RNF19A: variants seen among roughly 807,000 people sequenced by gnomAD.
RNF19A encodes the protein E3 ubiquitin-protein ligase RNF19A.
Under a neutral mutation model 75.7 loss-of-function variants are expected in RNF19A, and 32 were observed. The observed-to-expected ratio is 0.42, with a 90% CI of 0.32 to 0.57. The LOEUF (loss-of-function observed/expected upper bound fraction) is 0.57. Among genes scored for constraint, RNF19A ranks in the 20% least tolerant of loss-of-function variants. RNF19A has a pLI of 0.10. For synonymous variants in RNF19A, 335 were observed against 345.2 expected (o/e 0.97, Z 0.33); for missense variants, 782 against 1,036.3 (o/e 0.75, Z 3.37).
At chr8:100,292,436 GT>G (rs1215600790) in intron 1 of RNF19A, among the ~76,000 whole-genome samples, 244 of 34,036 alleles carry the variant, frequency 7.2e-3, no homozygotes, top group African/African-American at 0.045. Context: ...TATCATATGG[GT>G]GTGTGTGTGT....
rs188768755 is a variant in RNF19A, at chr8:100,323,249, A to C, written c.-242-9877T>G. On this transcript the variant is annotated intron_variant, in intron 1 of 3. Transcript: ENST00000519527. The surrounding 1 kb of genome is among the most constrained non-coding windows in gnomAD (Gnocchi z 4.6). ...GGTTTTTATTTGAAGGTAGTATTTCATAGAAAGTTTTTAAGGAAGAAAGAA... is the reference window on the plus strand; with the variant it reads ...GGTTTTTATTTGAAGGTAGTATTTCCTAGAAAGTTTTTAAGGAAGAAAGAA... Among the ~76,000 whole-genome samples the C allele has an allele frequency of 2.2e-4, 33 of 152,354 alleles. No individual in the cohort carries two copies. In the East Asian group the frequency reaches 5.0e-3, roughly 23 times the overall value.
chr8:100,307,226 C>T (rs1822098685), intron 1 of RNF19A, among the ~76,000 whole-genome samples: 1 of 152,230 alleles, frequency 6.6e-6, no homozygotes, highest in South Asian at 2.1e-4. Flanking sequence ...AATAACAATT[C>T]CCTAAGATTT....
Position 100,264,031 on chromosome 8 carries a change from T to C in RNF19A, c.1468+3A>G. On this transcript the variant is annotated splice_donor_region_variant and intron_variant, in intron 7 of 9. Transcript: ENST00000341084. This position sits in a 1 kb window ranked among gnomAD's most constrained non-coding sequence, Gnocchi z 4.7. ...ATTTTCTTCCTTTGCTTAAAGGACT[T>C]ACCTACAGCTGTGTTAGTTCCACCA... The C allele has an allele frequency of 6.2e-7, 1 of 1,611,726 alleles. No homozygotes were observed. Among genetic ancestry groups the C allele is most frequent in the Non-Finnish European group, 8.5e-7 (1 of 1,178,630 alleles).
At chr8:100,300,200 A>G (rs1821760583) in intron 1 of RNF19A, among the ~76,000 whole-genome samples, 1 of 152,246 alleles carries the variant, frequency 6.6e-6, no homozygotes, top group Non-Finnish European at 1.5e-5. Flanking sequence ...CGAAAATGAG[A>G]TTAAAAACTC....
At chr8:100,274,626 C>T (rs540891914) in intron 3 of RNF19A, among the ~76,000 whole-genome samples, 25 of 152,046 alleles carry the variant, frequency 1.6e-4, no homozygotes, top group African/African-American at 6.0e-4. Flanking sequence ...CTTAAGTGGT[C>T]GGCCCGCCTC....
At chr8:100,316,895 G>C (rs1210459762) in intron 1 of RNF19A, among the ~76,000 whole-genome samples, 3 of 152,238 alleles carry the variant, frequency 2.0e-5, no homozygotes, top group Non-Finnish European at 4.4e-5. Flanking sequence ...GGCATGGCGG[G>C]CTGCAGGTCC....
intron 1 of RNF19A, among the ~76,000 whole-genome samples, chr8:100,301,229 C>T (rs1402175571): frequency 6.6e-6 from 1 of 152,214 alleles, no homozygotes; most frequent in Non-Finnish European, 1.5e-5. Context: ...ACAGAAAGTT[C>T]TATTGCACAG....
upstream of RNF19A, chr8:100,313,298 A>G: frequency 1.0e-6 from 1 of 982,656 alleles, no homozygotes; most frequent in Non-Finnish European, 1.2e-6. Flanking sequence ...TACCAGAGTA[A>G]CAGAAACCAA....
chr8:100,295,479 G>A (rs957016463), intron 1 of RNF19A, among the ~76,000 whole-genome samples: 1 of 152,122 alleles, frequency 6.6e-6, no homozygotes, highest in Admixed American at 6.5e-5. Flanking sequence ...AATATTAGCA[G>A]ATAAAAGGTG....
intron 1 of RNF19A, among the ~76,000 whole-genome samples, chr8:100,301,631 T>C (rs1821833839): frequency 6.6e-6 from 1 of 152,254 alleles, no homozygotes; most frequent in African/African-American, 2.4e-5. Context: ...GTCCTACTCC[T>C]CTTTCAAGGC....
At chr8:100,312,160 C>G (rs1296572889), upstream of RNF19A, among the ~76,000 whole-genome samples, 1 of 152,176 alleles carries the variant, frequency 6.6e-6, no homozygotes, top group Non-Finnish European at 1.5e-5. Context: ...TATTATACCC[C>G]GGAAATATCC....
intron 2 of RNF19A, among the ~76,000 whole-genome samples, chr8:100,279,747 G>A (rs918039439): frequency 6.6e-6 from 1 of 151,830 alleles, no homozygotes; most frequent in South Asian, 2.1e-4. Context: ...GGCTTGTCTC[G>A]AACTCCAGAC....
chr8:100,309,863 G>C lies in RNF19A; in HGVS notation c.-94+4C>G. 1.0e-6 allele frequency: 1 copy of C among 985,620 alleles called. No individual in the cohort carries two copies. Among genetic ancestry groups the C allele is most frequent in the Non-Finnish European group, 1.2e-6 (1 of 830,072 alleles). The allele number at this position is 985,620 out of a possible 1,614,324, so 61.1% of individuals were successfully genotyped here. ...CGCAAGCTCCTCCGGGTGCCCGCCC[G>C]TACCTTTAACTCCTCAGAGCGGCGG... On this transcript the variant is annotated splice_donor_region_variant and intron_variant, in intron 1 of 9. Transcript: ENST00000341084.
Position 100,259,810 on chromosome 8 carries a change from T to G in RNF19A, c.1826+44A>C, listed in dbSNP as rs781513383. ...TGTCTAATGATAGGAATTATTCCTT[T>G]AATTTAAAAAATACTTTCAATTTTT... is the stretch of plus-strand genomic sequence containing the variant. On this transcript the variant is annotated intron_variant, in intron 9 of 9. Coordinates refer to ENST00000341084, the MANE Select transcript of RNF19A (RefSeq NM_183419.4). The surrounding 1 kb of genome is among the most constrained non-coding windows in gnomAD (Gnocchi z 4.5). The G allele has an allele frequency of 1.6e-5, 25 of 1,537,532 alleles. No individual in the cohort carries two copies. The highest frequency in any genetic ancestry group is 2.7e-6 in the Non-Finnish European group (3 of 1,123,412).
chr8:100,289,719 G>T (rs1448003722), intron 1 of RNF19A, among the ~76,000 whole-genome samples: 1 of 152,080 alleles, frequency 6.6e-6, no homozygotes, highest in East Asian at 1.9e-4. Flanking sequence ...CAATTACTTT[G>T]GAAAACTGTT....
At chr8:100,335,761 T>C (rs886284823) in intron 1 of RNF19A, among the ~76,000 whole-genome samples, 1 of 152,214 alleles carries the variant, frequency 6.6e-6, no homozygotes, top group Non-Finnish European at 1.5e-5. Flanking sequence ...ACAGTGACGG[T>C]GGCCGCCTGT....
chr8:100,278,480 A>T (rs1004085240), intron 2 of RNF19A, among the ~76,000 whole-genome samples: 1 of 152,214 alleles, frequency 6.6e-6, no homozygotes, highest in African/African-American at 2.4e-5. Flanking sequence ...AAATGCTATA[A>T]TCTTTGTGAT....
chr8:100,276,997 C>T (rs982409625), intron 2 of RNF19A, among the ~76,000 whole-genome samples: 3 of 151,918 alleles, frequency 2.0e-5, no homozygotes, highest in Admixed American at 6.6e-5. Flanking sequence ...AAGGTACATA[C>T]GATCTCTGAA....
chr8:100,320,099 G>A (rs1460742761), intron 1 of RNF19A, among the ~76,000 whole-genome samples: 6 of 152,148 alleles, frequency 3.9e-5, no homozygotes, highest in African/African-American at 1.4e-4. Context: ...GCCTCCCAAA[G>A]TGCTGGGATT....
Sources: gnomAD v4.1 joint callset for allele counts (sites outside exome capture counted in the v4.1 genomes callset) on GRCh38, gnomAD v4.1.1 for gene constraint, Gnocchi (gnomAD v3.1) non-coding constraint, MANE v1.5 for transcripts, NCBI Gene and HGNC (gene_info 2026-07-23, HGNC 2026-07-21) for gene names.